The following DYSF variants were observed in gnomAD, a reference collection of about 807,000 sequenced individuals.
DYSF encodes the protein dysferlin, also known as dystrophy-associated fer-1-like 1.
A neutral mutation model predicts 274.9 loss-of-function variants in DYSF; 212 were observed. That is an observed-to-expected ratio of 0.77 (90% CI 0.69 to 0.86). DYSF has a LOEUF of 0.86. Ranked by LOEUF, DYSF falls within the 40% of genes least tolerant of loss-of-function variation. DYSF has a pLI of 0.00. For missense variants in DYSF, 2,666 were observed against 2,783.2 expected (o/e 0.96, Z 0.95); for synonymous variants, 1,091 against 1,078.7 (o/e 1.01, Z -0.22).
chr2:71,603,829 G>A (rs1270490847), intron 36 of DYSF, among the ~76,000 whole-genome samples: 1 of 152,150 alleles, frequency 6.6e-6, no homozygotes. Flanking sequence ...CTCTGAAGAA[G>A]ACCCAGCCCA....
At chr2:71,493,343 C>T (rs1222094772) in intron 3 of DYSF, among the ~76,000 whole-genome samples, 1 of 152,186 alleles carries the variant, frequency 6.6e-6, no homozygotes, top group Non-Finnish European at 1.5e-5. Context: ...TCTATAGCCT[C>T]CTTTAATCTG....
intron 47 of DYSF, among the ~76,000 whole-genome samples, chr2:71,666,819 A>T (rs1444035772): frequency 6.6e-6 from 1 of 152,228 alleles, no homozygotes; most frequent in Non-Finnish European, 1.5e-5. Flanking sequence ...TAAAATGGGG[A>T]TAATAACAGC....
At chr2:71,538,844 C>A (rs2089644053) in intron 16 of DYSF, among the ~76,000 whole-genome samples, 1 of 152,184 alleles carries the variant, frequency 6.6e-6, no homozygotes, top group African/African-American at 2.4e-5. Context: ...TGCCTCTGGC[C>A]TCCTCCCTGT....
intron 4 of DYSF, among the ~76,000 whole-genome samples, 185 bp downstream of exon 4, chr2:71,503,504 C>T (rs1303529367): frequency 6.6e-6 from 1 of 152,156 alleles, no homozygotes; most frequent in Non-Finnish European, 1.5e-5. Flanking sequence ...ATGGGAAGGG[C>T]AGAGGGAGCC....
intron 54 of DYSF, among the ~76,000 whole-genome samples, chr2:71,681,611 AT>A (rs2095297469): frequency 6.6e-6 from 1 of 152,038 alleles, no homozygotes. Context: ...TTCAGCCTTC[AT>A]TTTTCCATCT....
intron 14 of DYSF, among the ~76,000 whole-genome samples, chr2:71,531,047 CTTGTAGGGCAGGACAG>C (rs2088646470): frequency 6.6e-6 from 1 of 151,604 alleles, no homozygotes; most frequent in African/African-American, 2.4e-5. Context: ...TCCTGCCCTA[CTTGTAGGGCAGGACAG>C]GAAGATTTAA....
intron 1 of DYSF, among the ~76,000 whole-genome samples, chr2:71,472,935 T>G (rs766642697): frequency 1.3e-5 from 2 of 152,202 alleles, no homozygotes; most frequent in South Asian, 2.1e-4. Context: ...AAGTAAAAAT[T>G]ATATGTAAAT....
chr2:71,526,416 G>GGGGGGGGGGGGGGGGGGT, intron 13 of DYSF, 70 bp downstream of exon 13: 1 of 513,690 alleles, frequency 1.9e-6, no homozygotes, highest in Non-Finnish European at 3.7e-6. Context: ...GGGGGTGGGC[G>GGGGGGGGGGGGGGGGGGT]ATGGCGGGCG....
At chr2:71,618,535 G>GGTGT (rs1361653334) in intron 40 of DYSF, among the ~76,000 whole-genome samples, 1 of 105,856 alleles carries the variant, frequency 9.4e-6, no homozygotes, top group African/African-American at 3.1e-5. Context: ...GTAGAGGTGG[G>GGTGT]GTGTGTGTGT....
intron 41 of DYSF, among the ~76,000 whole-genome samples, chr2:71,635,445 AGTGTTACAAAAGATAAAGGG>A (rs1187607143): frequency 2.0e-5 from 3 of 152,184 alleles, no homozygotes; most frequent in Non-Finnish European, 4.4e-5. Flanking sequence ...TGAGGTTATG[AGTGTTACAAAAGATAAAGGG>A]GGCTGGGTGC....
intron 42 of DYSF, among the ~76,000 whole-genome samples, chr2:71,653,411 A>G (rs1382060183): frequency 2.0e-5 from 3 of 152,100 alleles, no homozygotes; most frequent in Non-Finnish European, 4.4e-5. Context: ...GAACCAACCC[A>G]AATGTCCAAC....
At chr2:71,644,581 G>C (rs2094538916) in intron 42 of DYSF, among the ~76,000 whole-genome samples, 1 of 151,976 alleles carries the variant, frequency 6.6e-6, no homozygotes, top group Non-Finnish European at 1.5e-5. Flanking sequence ...TCCTACAATT[G>C]GGCCAGAAAA....
At chr2:71,658,685 G>C (rs1237932099) in intron 43 of DYSF, among the ~76,000 whole-genome samples, 193 bp from the exon 44 acceptor site, 1 of 152,172 alleles carries the variant, frequency 6.6e-6, no homozygotes, top group Admixed American at 6.5e-5. Flanking sequence ...CAGATCTCAT[G>C]ATACTTATTT....
intron 3 of DYSF, among the ~76,000 whole-genome samples, chr2:71,488,387 A>T (rs961587760): frequency 2.0e-5 from 3 of 152,164 alleles, no homozygotes; most frequent in Admixed American, 6.5e-5. Flanking sequence ...AAAAATCTCC[A>T]TGGGGTCAAA....
Position 71,679,250 on chromosome 2 carries a change from T to G in DYSF, c.6063+15T>G. 6.2e-7 allele frequency: 1 copy of G among 1,612,904 alleles called. No homozygotes were observed. The highest frequency in any genetic ancestry group is 1.1e-5 in the South Asian group (1 of 90,966). On this transcript the variant is annotated intron_variant, in intron 53 of 55. Transcript: ENST00000410020. ...AAATACTGGCGGTAAGTCTACTTCC[T>G]CCAGCCCCAGTGGAGGGCATGGGGG...
chr2:71,506,090 T>C (rs2152720857), intron 4 of DYSF, among the ~76,000 whole-genome samples: 1 of 152,294 alleles, frequency 6.6e-6, no homozygotes, highest in South Asian at 2.1e-4. Context: ...ATCAGGCCTG[T>C]CTTGTCCACA....
chr2:71,566,742 G>A (rs1017026255), intron 24 of DYSF, among the ~76,000 whole-genome samples: 6 of 152,194 alleles, frequency 3.9e-5, no homozygotes, highest in East Asian at 1.9e-4. Flanking sequence ...CAGCCGAAGC[G>A]AACAGCCATG....
chr2:71,516,740 T>C (rs2086700953), intron 9 of DYSF, among the ~76,000 whole-genome samples: 1 of 152,202 alleles, frequency 6.6e-6, no homozygotes, highest in Admixed American at 6.5e-5. Context: ...ATTCCAGCTC[T>C]GTCTATGCCG....
chr2:71,583,448 C>G (rs1268693656), intron 30 of DYSF, among the ~76,000 whole-genome samples: 5 of 152,218 alleles, frequency 3.3e-5, no homozygotes, highest in African/African-American at 1.2e-4. Flanking sequence ...CAGGGAAGGT[C>G]TCTGTGGCCT....
Sources: gnomAD v4.1 joint callset for allele counts (sites outside exome capture counted in the v4.1 genomes callset) on GRCh38, gnomAD v4.1.1 for gene constraint, MANE v1.5 for transcripts, NCBI Gene and HGNC (gene_info 2026-07-23, HGNC 2026-07-21) for gene names.